The following CD81 variants were observed in gnomAD, a reference collection of about 807,000 sequenced individuals.
CD81 encodes CD81 molecule.
CD81 carries 10 observed loss-of-function variants against 30.1 expected under a neutral mutation model. The ratio of observed to expected loss-of-function variants is 0.33; its 90% CI spans 0.21 to 0.56. The LOEUF is 0.56. Among genes scored for constraint, CD81 ranks in the 20% least tolerant of loss-of-function variants. The pLI, the probability that CD81 is intolerant of heterozygous loss-of-function variation, is 0.89. For synonymous variants in CD81, 147 were observed against 126.4 expected (o/e 1.16, Z -1.10); for missense variants, 263 against 308.7 (o/e 0.85, Z 1.11).
chr11:2,396,622 C>T lies in CD81; in HGVS notation c.562-6C>T. 1 of 1,610,542 alleles carries T rather than the reference C, an allele frequency of 6.2e-7. No individual in the cohort carries two copies. Among genetic ancestry groups the T allele is most frequent in the Non-Finnish European group, 8.5e-7 (1 of 1,179,818 alleles). On this transcript the variant is annotated splice_region_variant and splice_polypyrimidine_tract_variant and intron_variant, in intron 6 of 7. Transcript: ENST00000263645. ...CCTGACCACGCGTGCCTGGCCACCC[C>T]TGCAGGAGGACTGCCACCAGAAGAT...
At chr11:2,386,233 C>A in intron 1 of CD81, 1 of 698,844 alleles carries the variant, frequency 1.4e-6, no homozygotes, top group South Asian at 1.5e-5. Context: ...TTTTGCCCAT[C>A]TTTCAAAGAT....
At chr11:2,385,799 G>C (rs185632376) in intron 1 of CD81, 2 of 617,852 alleles carry the variant, frequency 3.2e-6, no homozygotes, top group Admixed American at 2.2e-5. Flanking sequence ...AGGTTCACCC[G>C]TTCACCGGTC....
intron 1 of CD81, chr11:2,385,753 G>T (rs1323246352): frequency 3.8e-6 from 2 of 525,744 alleles, no homozygotes; most frequent in Non-Finnish European, 7.4e-6. Context: ...TGCCGGGCAG[G>T]GTTGCACCCA....
At chr11:2,388,420 C>T (rs546709009) in intron 1 of CD81, among the ~76,000 whole-genome samples, 4 of 151,320 alleles carry the variant, frequency 2.6e-5, no homozygotes, top group South Asian at 2.1e-4. Flanking sequence ...CTGAAGCTCA[C>T]GCTCTGCTGA....
Position 2,395,805 on chromosome 11 carries a change from T to C in CD81, c.460-64T>C, listed in dbSNP as rs530129379. 4.4e-6 allele frequency: 5 copies of C among 1,126,782 alleles called. No homozygotes were observed. The South Asian group carries it at 6.1e-5, about 14-fold the overall frequency. 69.8% of individuals were successfully genotyped at this position (1,126,782 alleles called of 1,614,324 possible). ...GTACCCCTGGCCACCTCCCCATGGGTTCCCTAGAGCCACCGTCCCCCTGGG... is the reference window on the plus strand; with the variant it reads ...GTACCCCTGGCCACCTCCCCATGGGCTCCCTAGAGCCACCGTCCCCCTGGG... On this transcript the variant is annotated intron_variant, in intron 5 of 7. Transcript: ENST00000263645.
chr11:2,396,529 C>G (rs1299630718), intron 6 of CD81, 99 bp from the exon 7 acceptor site: 2 of 1,069,446 alleles, frequency 1.9e-6, no homozygotes, highest in African/African-American at 1.6e-5. Flanking sequence ...CAGGATTCCC[C>G]TCTACGCTTT....
At chr11:2,376,908 C>G (rs574335310), upstream of CD81, 33 of 152,446 alleles carry the variant, frequency 2.2e-4, no homozygotes, top group Admixed American at 1.7e-3. Flanking sequence ...GAAGCCCTCC[C>G]GGATTGTCCA....
rs1849958246 is a variant in CD81 at position 2,394,277 on chromosome 11, T to C, written c.279+85T>C. The C allele has an allele frequency of 3.4e-6, 3 of 893,372 alleles. No individual in the cohort carries two copies. In the South Asian group the frequency reaches 4.2e-5, roughly 12 times the overall value. The allele number at this position is 893,372 out of a possible 1,614,324, so 55.3% of individuals were successfully genotyped here. ...CCTGAGGAGGGGGCAGAGCTGGTGC[T>C]CAGGGCGGAGCCTAGAATTCTGGGG... On this transcript the variant is annotated intron_variant, in intron 3 of 7. Coordinates refer to ENST00000263645, the MANE Select transcript of CD81 (RefSeq NM_004356.4).
At chr11:2,381,557 C>T (rs537453679) in intron 1 of CD81, among the ~76,000 whole-genome samples, 21 of 152,340 alleles carry the variant, frequency 1.4e-4, no homozygotes, top group African/African-American at 3.8e-4. Flanking sequence ...AATCGCACCA[C>T]GGGAAGAGCT....
rs758755980 is a variant in CD81, at chr11:2,396,892, C to G, written c.*26C>G. The G allele has an allele frequency of 6.2e-7, 1 of 1,609,054 alleles. No individual in the cohort carries two copies. The highest frequency in any genetic ancestry group is 1.3e-5 in the African/African-American group (1 of 74,988). On this transcript the variant is annotated 3_prime_UTR_variant, in exon 8 of 8. Coordinates refer to ENST00000263645, the MANE Select transcript of CD81 (RefSeq NM_004356.4). ...GGCCCCGCAGCTCTGGCCACAGGGA[C>G]CTCTGCAGTGCCCCCTAAGTGACCC...
chr11:2,376,418 A>G (rs901694638), upstream of CD81: 10 of 152,178 alleles, frequency 6.6e-5, no homozygotes, highest in African/African-American at 2.4e-4. Context: ...AGGGCATGGG[A>G]AACCTTCGTC....
intron 1 of CD81, among the ~76,000 whole-genome samples, chr11:2,382,727 C>A (rs1849725216): frequency 6.6e-6 from 1 of 152,214 alleles, no homozygotes; most frequent in Admixed American, 6.5e-5. Flanking sequence ...CGGTGCAGAA[C>A]TAATCTCAAA....
chr11:2,393,439 C>G (rs568204631), intron 2 of CD81: 106 of 166,968 alleles, frequency 6.3e-4, no homozygotes, highest in African/African-American at 2.4e-3. Context: ...AGGTGGGGTG[C>G]TGGGCTTCAG....
Position 2,394,905 on chromosome 11 carries a change from G to C in CD81, c.280-67G>C, listed in dbSNP as rs1199524762. On this transcript the variant is annotated intron_variant, in intron 3 of 7. Transcript: ENST00000263645. ...ACAGACACGCCTGCTGGGCACCTGG[G>C]TGTGTGTCCTTGGGCCCCGCCTACA... 1.2e-5 allele frequency: 17 copies of C among 1,420,212 alleles called. No homozygotes were observed. In the Admixed American group the frequency reaches 2.2e-4, roughly 18 times the overall value. The allele number at this position is 1,420,212 out of a possible 1,614,324, so 88.0% of individuals were successfully genotyped here.
chr11:2,386,852 G>C (rs1397972748), intron 1 of CD81, among the ~76,000 whole-genome samples: 1 of 152,360 alleles, frequency 6.6e-6, no homozygotes, highest in East Asian at 1.9e-4. Flanking sequence ...TGTTGGCCCA[G>C]GCTCTTTCAG....
intron 6 of CD81, chr11:2,396,311 G>A (rs886861932): frequency 3.5e-6 from 2 of 570,998 alleles, no homozygotes; most frequent in Non-Finnish European, 6.3e-6. Context: ...CCCTGTGGAA[G>A]TTTCCTGCTG....
chr11:2,383,537 T>A (rs1272815929), intron 1 of CD81, among the ~76,000 whole-genome samples: 3 of 152,120 alleles, frequency 2.0e-5, no homozygotes. Flanking sequence ...CCTCAGGGCC[T>A]CACTGTCCTC....
Position 2,377,648 on chromosome 11 carries a change from G to A in CD81, c.66+33G>A. 5 of 1,426,702 alleles carry A rather than the reference G, an allele frequency of 3.5e-6. No homozygotes were observed. Among genetic ancestry groups the A allele is most frequent in the Middle Eastern group, 1.9e-4 (1 of 5,378 alleles). The allele number at this position is 1,426,702 out of a possible 1,614,324, so 88.4% of individuals were successfully genotyped here. On this transcript the variant is annotated intron_variant, in intron 1 of 7. Transcript: ENST00000263645. The surrounding 1 kb of genome is among the most constrained non-coding windows in gnomAD (Gnocchi z 7.7). ...CTGCGCCGGGGGCCGGGGCGGGAGG[G>A]GGCAGGCACACACTCCACGTTGGGC...
At chr11:2,385,865 T>TTTG (rs1400274544) in intron 1 of CD81, 1 of 647,220 alleles carries the variant, frequency 1.5e-6, no homozygotes, top group Non-Finnish European at 2.9e-6. Context: ...TGCTAGAACA[T>TTTG]TTGTGTACAA....
Sources: allele counts gnomAD v4.1 joint callset (sites outside exome capture counted in the v4.1 genomes callset), GRCh38; gene constraint gnomAD v4.1.1; non-coding constraint Gnocchi (gnomAD v3.1); transcripts MANE v1.5; gene names NCBI Gene and HGNC (gene_info 2026-07-23, HGNC 2026-07-21).